GLIS3: variants seen among roughly 807,000 people sequenced by gnomAD.
GLIS3 encodes GLIS family zinc finger 3.
GLIS3 carries 53 observed loss-of-function variants against 78.6 expected under a neutral mutation model. The observed-to-expected ratio is 0.67, with a 90% CI of 0.54 to 0.85. The LOEUF (loss-of-function observed/expected upper bound fraction) is 0.85. Among genes scored for constraint, GLIS3 ranks in the 40% least tolerant of loss-of-function variants. The pLI, the probability that GLIS3 is intolerant of heterozygous loss-of-function variation, is 0.00. For missense variants in GLIS3, 1,703 were observed against 1,231.1 expected (o/e 1.38, Z -5.74); for synonymous variants, 684 against 509.9 (o/e 1.34, Z -4.60).
At chr9:4,129,124 A>C (rs1476860781) in intron 2 of GLIS3, among the ~76,000 whole-genome samples, 3 of 152,222 alleles carry the variant, frequency 2.0e-5, no homozygotes, top group African/African-American at 7.2e-5. Flanking sequence ...CACTGTGCTC[A>C]ATACAGCCAT....
intron 2 of GLIS3, among the ~76,000 whole-genome samples, chr9:4,259,727 A>T (rs1464262968): frequency 6.6e-6 from 1 of 152,158 alleles, no homozygotes; most frequent in Non-Finnish European, 1.5e-5. Context: ...CTATTCACAG[A>T]TGGGGTGGGG....
chr9:4,181,888 G>A (rs537339350), intron 2 of GLIS3, among the ~76,000 whole-genome samples: 1 of 152,296 alleles, frequency 6.6e-6, no homozygotes, highest in African/African-American at 2.4e-5. Flanking sequence ...GCTATCCTAT[G>A]CCATCCAGCC....
intron 4 of GLIS3, among the ~76,000 whole-genome samples, chr9:3,963,408 A>C (rs190261971): frequency 7.2e-5 from 11 of 152,272 alleles, no homozygotes; most frequent in Admixed American, 7.2e-4. Flanking sequence ...GCCCTGCTGG[A>C]GATGTGCCGC....
chr9:4,240,392 C>T (rs909274718), intron 2 of GLIS3, among the ~76,000 whole-genome samples: 3 of 152,172 alleles, frequency 2.0e-5, no homozygotes, highest in African/African-American at 7.2e-5. Flanking sequence ...TCACCCACCA[C>T]TCACCTCCTG....
intron 4 of GLIS3, among the ~76,000 whole-genome samples, chr9:3,999,989 G>C (rs1821018093): frequency 6.6e-6 from 1 of 151,982 alleles, no homozygotes; most frequent in Non-Finnish European, 1.5e-5. Flanking sequence ...TCTCTCCAAG[G>C]GAAACTCTCG....
At chr9:4,013,840 G>A (rs759539573) in intron 4 of GLIS3, among the ~76,000 whole-genome samples, 1 of 152,162 alleles carries the variant, frequency 6.6e-6, no homozygotes, top group Admixed American at 6.5e-5. Context: ...GAAGGGACGA[G>A]GCAAAGCACA....
chr9:4,416,264 A>ATT, the GLIS3 span, among the ~76,000 whole-genome samples: 3 of 147,942 alleles, frequency 2.0e-5, no homozygotes, highest in Admixed American at 6.7e-5. Flanking sequence ...AAAAAAAAAA[A>ATT]AAAAAAAAAA....
the GLIS3 span, among the ~76,000 whole-genome samples, chr9:4,412,853 T>C: frequency 6.6e-6 from 1 of 152,178 alleles, no homozygotes; most frequent in Non-Finnish European, 1.5e-5. Flanking sequence ...CTATCTCTCT[T>C]CCTCCATCTG....
At chr9:4,036,610 C>G (rs771299530) in intron 4 of GLIS3, among the ~76,000 whole-genome samples, 1 of 152,152 alleles carries the variant, frequency 6.6e-6, no homozygotes, top group Non-Finnish European at 1.5e-5. Context: ...AACAGAGAGG[C>G]TACTGTGAAG....
chr9:3,855,858 C>A, intron 9 of GLIS3, 151 bp downstream of exon 9: 1 of 814,976 alleles, frequency 1.2e-6, no homozygotes, highest in South Asian at 1.4e-5. Flanking sequence ...GGATTTCATG[C>A]CTATCAAGTG....
intron 4 of GLIS3, among the ~76,000 whole-genome samples, chr9:3,960,461 G>A (rs1817473401): frequency 6.6e-6 from 1 of 152,152 alleles, no homozygotes; most frequent in Non-Finnish European, 1.5e-5. Flanking sequence ...GGAATTGTCT[G>A]GTTTATTTAT....
At chr9:3,916,107 G>A (rs554726927) in intron 6 of GLIS3, among the ~76,000 whole-genome samples, 81 of 152,316 alleles carry the variant, frequency 5.3e-4, no homozygotes, top group African/African-American at 1.8e-3. Context: ...TTCTGAGAAT[G>A]CTGTTTTACT....
chr9:3,971,205 C>T (rs559771764), intron 4 of GLIS3, among the ~76,000 whole-genome samples: 21 of 151,948 alleles, frequency 1.4e-4, no homozygotes, highest in African/African-American at 4.8e-4. Flanking sequence ...TCACCCACCC[C>T]TCTCAAAGTG....
At chr9:4,369,621 A>T in the GLIS3 span, among the ~76,000 whole-genome samples, 1 of 152,194 alleles carries the variant, frequency 6.6e-6, no homozygotes, top group Non-Finnish European at 1.5e-5. Flanking sequence ...TTGTGCAAGC[A>T]GTTATCCCTC....
chr9:4,100,634 G>C (rs1830301092), intron 4 of GLIS3, among the ~76,000 whole-genome samples: 1 of 152,068 alleles, frequency 6.6e-6, no homozygotes, highest in Non-Finnish European at 1.5e-5. Context: ...TAAACCAGTG[G>C]TGTCTCTTTC....
chr9:3,925,674 G>A (rs1825172609), intron 6 of GLIS3, among the ~76,000 whole-genome samples: 1 of 152,148 alleles, frequency 6.6e-6, no homozygotes, highest in African/African-American at 2.4e-5. Flanking sequence ...AACTGTTGGG[G>A]TAGGATCCAG....
intron 6 of GLIS3, among the ~76,000 whole-genome samples, chr9:3,911,463 T>C (rs1360921263): frequency 6.6e-6 from 1 of 152,178 alleles, no homozygotes; most frequent in Non-Finnish European, 1.5e-5. Context: ...TTGTGAAAAC[T>C]TGATTAAAAC....
intron 2 of GLIS3, among the ~76,000 whole-genome samples, chr9:4,236,050 T>A (rs1248583158): frequency 6.6e-6 from 1 of 151,834 alleles, no homozygotes; most frequent in Non-Finnish European, 1.5e-5. Flanking sequence ...GTAGTCATTG[T>A]TCCTAGTAAA....
At chr9:4,464,757 G>C in the GLIS3 span, among the ~76,000 whole-genome samples, 1 of 152,080 alleles carries the variant, frequency 6.6e-6, no homozygotes, top group Non-Finnish European at 1.5e-5. Context: ...GAAAATCTTA[G>C]GCAAATAATA....
Sources: gnomAD v4.1 joint callset for allele counts (sites outside exome capture counted in the v4.1 genomes callset) on GRCh38, gnomAD v4.1.1 for gene constraint, MANE v1.5 for transcripts, NCBI Gene and HGNC (gene_info 2026-07-23, HGNC 2026-07-21) for gene names.